The following NDFIP1 variants were observed in gnomAD, a reference collection of about 807,000 sequenced individuals.
NDFIP1 encodes the protein Nedd4 family interacting protein 1.
In NDFIP1, 7 loss-of-function variants were observed where a neutral mutation model predicts 28.8. The ratio of observed to expected loss-of-function variants is 0.24; its 90% CI spans 0.14 to 0.46. NDFIP1 has a LOEUF of 0.46. Ranked by LOEUF, NDFIP1 falls within the 20% of genes least tolerant of loss-of-function variation. The pLI, the probability that NDFIP1 is intolerant of heterozygous loss-of-function variation, is 0.99. For synonymous variants in NDFIP1, 92 were observed against 101.0 expected, an observed-to-expected ratio of 0.91 and a Z score of 0.53; for missense variants, 194 against 269.1, an observed-to-expected ratio of 0.72 and a Z score of 1.95.
rs537758312 is a variant in NDFIP1, at chr5:142,136,094, C to T, written c.370+277C>T. ...AGCTAAGCCTCATCTTCCAGGTCTA[C>T]GGGGCCCTTTTGCGTTGCTTCTACT... On this transcript the variant is annotated intron_variant, in intron 4 of 7. Coordinates refer to ENST00000253814, the MANE Select transcript of NDFIP1 (RefSeq NM_030571.4). 1.6e-4 allele frequency among the ~76,000 whole-genome samples: 25 copies of T among 152,218 alleles called. No homozygotes were observed. In the East Asian group the frequency reaches 3.5e-3, roughly 21 times the overall value.
intron 1 of NDFIP1, among the ~76,000 whole-genome samples, chr5:142,114,599 G>A (rs1011847267): frequency 2.6e-5 from 4 of 152,092 alleles, no homozygotes; most frequent in South Asian, 4.1e-4. Context: ...ATTTTGAAAC[G>A]AATCCTAGAA....
Position 142,132,469 on chromosome 5 carries a change from G to C in NDFIP1, c.282+127G>C, listed in dbSNP as rs562802340. 6 of 1,201,334 alleles carry C rather than the reference G, an allele frequency of 5.0e-6. No individual in the cohort carries two copies. In the East Asian group the frequency reaches 1.5e-4, roughly 29 times the overall value. 74.4% of individuals were successfully genotyped at this position (1,201,334 alleles called of 1,614,324 possible). A position where few individuals can be genotyped will look rare whatever the true frequency, so the allele number is the denominator to read the frequency against. ...AAAGTAGAGCTAATTTTAAAAATCAGGTACATTTGCTTTTGGGATAATAAA... is the reference window on the plus strand; with the variant it reads ...AAAGTAGAGCTAATTTTAAAAATCACGTACATTTGCTTTTGGGATAATAAA... On this transcript the variant is annotated intron_variant, in intron 3 of 7. Coordinates refer to ENST00000253814, the MANE Select transcript of NDFIP1 (RefSeq NM_030571.4).
chr5:142,122,487 A>G (rs989567783), intron 1 of NDFIP1, among the ~76,000 whole-genome samples: 1 of 152,186 alleles, frequency 6.6e-6, no homozygotes, highest in African/African-American at 2.4e-5. Context: ...TTGGTATCAT[A>G]TGTAAATGTT....
At chr5:142,112,661 C>T (rs900007442) in intron 1 of NDFIP1, among the ~76,000 whole-genome samples, 1 of 148,762 alleles carries the variant, frequency 6.7e-6, no homozygotes, top group African/African-American at 2.5e-5. Flanking sequence ...CGTGGTGGCA[C>T]GTGCCTGTAG....
intron 1 of NDFIP1, among the ~76,000 whole-genome samples, chr5:142,117,177 A>G (rs959910586): frequency 2.6e-5 from 4 of 152,176 alleles, no homozygotes; most frequent in East Asian, 3.9e-4. Context: ...AGACTGGACA[A>G]TTTATGAATA....
chr5:142,148,634 C>T (rs570299571), intron 7 of NDFIP1, among the ~76,000 whole-genome samples: 1 of 151,680 alleles, frequency 6.6e-6, no homozygotes, highest in Admixed American at 6.6e-5. Flanking sequence ...ACCTGTAATC[C>T]CAGCTACTTG....
At chr5:142,132,078 GA>G in intron 2 of NDFIP1, 133 bp from the exon 3 acceptor site, 1 of 1,144,368 alleles carries the variant, frequency 8.7e-7, no homozygotes, top group Non-Finnish European at 1.2e-6. Context: ...ATTCATCTAA[GA>G]ATGTCTTTTG....
At position 142,144,626 on chromosome 5, in the gene NDFIP1, A is replaced by G; in HGVS notation, c.618A>G (p.Pro206=). ...FINYAKVRKM[P]ETFSNLPRTR... ...ATTATGCAAAAGTTCGGAAGATGCC[A>G]GAAACTTTCTCAAATCTCCCCAGGA... The change falls in exon 7 of 8, where the codon CCA becomes CCG. Residue 206 remains proline (P), a synonymous_variant. Transcript: ENST00000253814. 1 of 1,613,308 alleles carries G rather than the reference A, an allele frequency of 6.2e-7. No homozygotes were observed. Among genetic ancestry groups the G allele is most frequent in the Non-Finnish European group, 8.5e-7 (1 of 1,179,614 alleles).
At chr5:142,144,852 T>A (rs1401314335) in intron 7 of NDFIP1, among the ~76,000 whole-genome samples, 176 bp downstream of exon 7, 1 of 152,230 alleles carries the variant, frequency 6.6e-6, no homozygotes, top group African/African-American at 2.4e-5. Context: ...AAAAAGCTAT[T>A]GATAAAGTCA....
Position 142,132,276 on chromosome 5 carries a change from A to G in NDFIP1, c.216A>G (p.Thr72=), listed in dbSNP as rs142910500. The change falls in exon 3 of 8, where the codon ACA becomes ACG. Residue 72 remains threonine, a synonymous_variant. Coordinates refer to ENST00000253814, the MANE Select transcript of NDFIP1 (RefSeq NM_030571.4). ...CCCCATCTTACAATGTAGCTACAAC[A>G]CTGCCCAGTTATGATGAAGCGGAGA... ...PKPPSYNVAT[T]LPSYDEAERT... 7.5e-5 allele frequency: 121 copies of G among 1,614,160 alleles called. No homozygotes were observed. The East Asian group carries it at 2.6e-3, about 34-fold the overall frequency.
At chr5:142,124,490 C>G (rs1049736758) in intron 1 of NDFIP1, among the ~76,000 whole-genome samples, 4 of 152,098 alleles carry the variant, frequency 2.6e-5, no homozygotes, top group African/African-American at 9.7e-5. Flanking sequence ...TCTTTCAAAA[C>G]CAAGGTGTAC....
At chr5:142,109,707 A>G (rs773202494) in intron 1 of NDFIP1, among the ~76,000 whole-genome samples, 4 of 152,070 alleles carry the variant, frequency 2.6e-5, no homozygotes, top group Non-Finnish European at 4.4e-5. Context: ...GTTTTAAGAG[A>G]TTTGATGGCA....
intron 1 of NDFIP1, among the ~76,000 whole-genome samples, chr5:142,129,816 C>A (rs56183589): frequency 0.28 from 40,607 of 146,994 alleles, 6,850 homozygotes; most frequent in Non-Finnish European, 0.37. Context: ...GAGTCTGAGG[C>A]AACAGAATTG....
In NDFIP1 at chr5:142,108,941, T is replaced by C; in HGVS notation, c.-34T>C. Reference sequence around the variant, plus strand: ...GGCCGCGCCCCTTCAGCTAGCTCGCTCGCTCGCTCTGCTTCCCTGCTGCCG... The same window carrying C: ...GGCCGCGCCCCTTCAGCTAGCTCGCCCGCTCGCTCTGCTTCCCTGCTGCCG... On this transcript the variant is annotated 5_prime_UTR_variant, in exon 1 of 8. Coordinates refer to ENST00000253814, the MANE Select transcript of NDFIP1 (RefSeq NM_030571.4). 7.0e-7 allele frequency: 1 copy of C among 1,422,826 alleles called. No homozygotes were observed. Among genetic ancestry groups the C allele is most frequent in the Non-Finnish European group, 9.2e-7 (1 of 1,090,074 alleles). The allele number at this position is 1,422,826 out of a possible 1,614,324, so 88.1% of individuals were successfully genotyped here.
intron 1 of NDFIP1, among the ~76,000 whole-genome samples, chr5:142,117,917 G>A (rs1362110493): frequency 4.0e-5 from 6 of 151,866 alleles, no homozygotes; most frequent in African/African-American, 7.3e-5. Context: ...TTCCCCCTAA[G>A]ATGGGTTCCT....
chr5:142,109,860 AG>A, intron 1 of NDFIP1, among the ~76,000 whole-genome samples: 1 of 152,204 alleles, frequency 6.6e-6, no homozygotes, highest in Non-Finnish European at 1.5e-5. Flanking sequence ...GACCTTCTGC[AG>A]GGTTTTTGGA....
chr5:142,153,504 C>T lies in NDFIP1; in HGVS notation c.*1776C>T, dbSNP rs1254753141. 4 of 438,994 alleles carry T rather than the reference C, an allele frequency of 9.1e-6. No individual in the cohort carries two copies. In the Admixed American group the frequency reaches 9.7e-5, roughly 11 times the overall value. 27.2% of individuals were successfully genotyped at this position (438,994 alleles called of 1,614,324 possible). On this transcript the variant is annotated 3_prime_UTR_variant, in exon 8 of 8. Transcript: ENST00000253814. ...TCCTGGATTGACATTTCAATGATCCCTCTAACCAGTTTATGGATTATTATG... is the reference window on the plus strand; with the variant it reads ...TCCTGGATTGACATTTCAATGATCCTTCTAACCAGTTTATGGATTATTATG...
At chr5:142,133,368 C>A (rs1425514524) in intron 3 of NDFIP1, among the ~76,000 whole-genome samples, 1 of 152,160 alleles carries the variant, frequency 6.6e-6, no homozygotes, top group African/African-American at 2.4e-5. Context: ...TGGTACTGTG[C>A]TTGATGCTTT....
chr5:142,131,730 G>C (rs1046559882), intron 1 of NDFIP1, 78 bp from the exon 2 acceptor site: 3 of 1,095,454 alleles, frequency 2.7e-6, no homozygotes, highest in African/African-American at 3.3e-5. Context: ...TTCGAGAAAG[G>C]CTATTTATTT....
Sources: allele counts gnomAD v4.1 joint callset (sites outside exome capture counted in the v4.1 genomes callset), GRCh38; gene constraint gnomAD v4.1.1; transcripts MANE v1.5; gene names NCBI Gene and HGNC (gene_info 2026-07-23, HGNC 2026-07-21).